The following ERI3 variants were observed in gnomAD, a reference collection of about 807,000 sequenced individuals.
ERI3 encodes ERI1 exoribonuclease family member 3.
In ERI3, 18 loss-of-function variants were observed where a neutral mutation model predicts 44.4. The ratio of observed to expected loss-of-function variants is 0.41; its 90% confidence interval spans 0.28 to 0.60. The LOEUF (loss-of-function observed/expected upper bound fraction) is 0.60, where lower values mean the gene tolerates loss of function less well. Ranked by LOEUF, ERI3 falls within the 20% of genes least tolerant of loss-of-function variation. The pLI is 0.36. For missense variants in ERI3, 294 were observed against 435.5 expected, an observed-to-expected ratio of 0.68 and a Z score of 2.89; for synonymous variants, 183 against 164.8, an observed-to-expected ratio of 1.11 and a Z score of -0.84.
chr1:44,257,569 C>G (rs1320191986), intron 7 of ERI3, among the ~76,000 whole-genome samples: 1 of 152,194 alleles, frequency 6.6e-6, no homozygotes. Context: ...GACTTCCCAC[C>G]ACTGCTGCAC....
At chr1:44,239,772 GAAGA>G (rs1321492936) in intron 8 of ERI3, among the ~76,000 whole-genome samples, 1 of 151,334 alleles carries the variant, frequency 6.6e-6, no homozygotes, top group East Asian at 1.9e-4. Context: ...TCTTTGGGCA[GAAGA>G]AAGGAAAGAG....
At chr1:44,239,052 C>T (rs942411716) in intron 8 of ERI3, among the ~76,000 whole-genome samples, 1 of 150,448 alleles carries the variant, frequency 6.6e-6, no homozygotes, top group Non-Finnish European at 1.5e-5. Flanking sequence ...ATCCAGCTTC[C>T]TCCCACTCCC....
At chr1:44,330,812 C>T (rs750815698) in intron 3 of ERI3, among the ~76,000 whole-genome samples, 9 of 152,112 alleles carry the variant, frequency 5.9e-5, no homozygotes, top group Non-Finnish European at 7.3e-5. Context: ...ATAATCATCC[C>T]AATGGCATCT....
At chr1:44,248,613 T>C (rs1247523870) in intron 7 of ERI3, among the ~76,000 whole-genome samples, 1 of 151,820 alleles carries the variant, frequency 6.6e-6, no homozygotes, top group Admixed American at 6.6e-5. Context: ...GTGGCTCAAC[T>C]GAGGAGAGGA....
chr1:44,232,151 C>A (rs1028262124), intron 8 of ERI3, among the ~76,000 whole-genome samples: 1 of 152,086 alleles, frequency 6.6e-6, no homozygotes, highest in Non-Finnish European at 1.5e-5. Context: ...GTTTATTTTT[C>A]TTGCAGCTGA....
intron 8 of ERI3, among the ~76,000 whole-genome samples, chr1:44,224,392 C>G (rs1223141733): frequency 2.0e-5 from 3 of 152,188 alleles, no homozygotes; most frequent in African/African-American, 7.2e-5. Context: ...TCTCAAGGAC[C>G]CACTCACTGT....
intron 6 of ERI3, 50 bp downstream of exon 6, chr1:44,308,260 G>A: frequency 7.4e-7 from 1 of 1,352,884 alleles, no homozygotes; most frequent in Non-Finnish European, 1.1e-6. Flanking sequence ...GCCAGACCTG[G>A]TCCCACAGAT....
chr1:44,328,423 A>G (rs866013629), intron 3 of ERI3, among the ~76,000 whole-genome samples: 10 of 152,116 alleles, frequency 6.6e-5, no homozygotes, highest in African/African-American at 2.4e-4. Flanking sequence ...TTTCAGAATC[A>G]GAAGCCCTGG....
In ERI3 at chr1:44,354,877, T is replaced by C; in HGVS notation, c.135+15A>G. ...CCAGGGCCCAATCTTGGCGGGGCCATTCAGCATCACCCACCCCGGGGTGTT... is the reference window on the plus strand; with the variant it reads ...CCAGGGCCCAATCTTGGCGGGGCCACTCAGCATCACCCACCCCGGGGTGTT... On this transcript the variant is annotated intron_variant, in intron 1 of 8. Transcript: ENST00000372257. The C allele has an allele frequency of 2.3e-6, 3 of 1,315,396 alleles. No individual in the cohort carries two copies. Among genetic ancestry groups the C allele is most frequent in the Non-Finnish European group, 2.9e-6 (3 of 1,023,298 alleles). The allele number at this position is 1,315,396 out of a possible 1,614,324, so 81.5% of individuals were successfully genotyped here.
intron 6 of ERI3, among the ~76,000 whole-genome samples, chr1:44,301,547 C>T (rs1455215588): frequency 6.6e-6 from 1 of 152,226 alleles, no homozygotes; most frequent in Non-Finnish European, 1.5e-5. Flanking sequence ...TGTACTGCCA[C>T]AGGGCATCTC....
In ERI3 at chr1:44,354,042, T is replaced by C. The variant is rs539337109; in HGVS notation, c.135+850A>G. 9.1e-6 allele frequency: 9 copies of C among 985,370 alleles called. No homozygotes were observed. In the South Asian group the frequency reaches 3.3e-4, roughly 36 times the overall value. 61.0% of individuals were successfully genotyped at this position (985,370 alleles called of 1,614,324 possible). The stretch of plus-strand genomic sequence containing the variant: ...AACTAAGCTCCAAGCAAGAACCCAC[T>C]AAAACAAGGCATGCTGTATATGATA... On this transcript the variant is annotated intron_variant, in intron 1 of 8. Coordinates refer to ENST00000372257, the MANE Select transcript of ERI3 (RefSeq NM_024066.3).
intron 7 of ERI3, among the ~76,000 whole-genome samples, chr1:44,267,249 G>A (rs1378898122): frequency 6.6e-6 from 1 of 152,152 alleles, no homozygotes; most frequent in Non-Finnish European, 1.5e-5. Context: ...GATGAAGAGG[G>A]GAAGATCTGG....
chr1:44,281,262 C>T (rs978032218), intron 7 of ERI3, among the ~76,000 whole-genome samples: 2 of 152,124 alleles, frequency 1.3e-5, no homozygotes, highest in African/African-American at 2.4e-5. Flanking sequence ...CAGGCCCTCA[C>T]ACAGTACCTG....
At chr1:44,331,547 A>T (rs1480028342) in intron 3 of ERI3, among the ~76,000 whole-genome samples, 1 of 152,210 alleles carries the variant, frequency 6.6e-6, no homozygotes. Context: ...AGCCTCTTCT[A>T]GCCTTTGTAC....
At chr1:44,342,742 G>A (rs1257135173) in intron 2 of ERI3, among the ~76,000 whole-genome samples, 5 of 129,510 alleles carry the variant, frequency 3.9e-5, no homozygotes, top group Non-Finnish European at 6.3e-5. Context: ...GAACTCCCAC[G>A]CTCAAGCAAT....
At chr1:44,267,640 C>A (rs899566361) in intron 7 of ERI3, among the ~76,000 whole-genome samples, 1 of 152,234 alleles carries the variant, frequency 6.6e-6, no homozygotes. Context: ...ACTGGGGAGG[C>A]CTCAGGCTTG....
At chr1:44,336,718 C>T (rs1361979974) in intron 3 of ERI3, among the ~76,000 whole-genome samples, 3 of 152,192 alleles carry the variant, frequency 2.0e-5, no homozygotes, top group African/African-American at 4.8e-5. Context: ...CAAGATCATT[C>T]GTATTCTCCT....
At chr1:44,279,674 A>G (rs1334879178) in intron 7 of ERI3, among the ~76,000 whole-genome samples, 1 of 152,094 alleles carries the variant, frequency 6.6e-6, no homozygotes, top group African/African-American at 2.4e-5. Context: ...TCCTTCTCCC[A>G]TTATCTCAGT....
chr1:44,283,646 C>G (rs1645333574), intron 7 of ERI3, among the ~76,000 whole-genome samples: 1 of 152,192 alleles, frequency 6.6e-6, no homozygotes, highest in South Asian at 2.1e-4. Flanking sequence ...GGGTATGAGT[C>G]AAACTGCAAA....
Sources: allele counts gnomAD v4.1 joint callset (sites outside exome capture counted in the v4.1 genomes callset), GRCh38; gene constraint gnomAD v4.1.1; transcripts MANE v1.5; gene names NCBI Gene and HGNC (gene_info 2026-07-23, HGNC 2026-07-21).